The following CDH6 variants were observed in gnomAD, a reference collection of about 807,000 sequenced individuals.
CDH6 encodes cadherin 6.
In CDH6, 31 loss-of-function variants were observed where a neutral mutation model predicts 78.0. That is an observed-to-expected ratio of 0.40 (90% CI 0.30 to 0.54). The LOEUF is 0.54. CDH6 is among the 20% of genes least tolerant of loss of function. The pLI, the probability that CDH6 is intolerant of heterozygous loss-of-function variation, is 0.56. For missense variants in CDH6, 724 were observed against 975.9 expected (o/e 0.74, Z 3.44); for synonymous variants, 376 against 368.8 (o/e 1.02, Z -0.23).
chr5:31,284,280 G>C (rs891428877), intron 2 of CDH6, among the ~76,000 whole-genome samples: 3 of 152,214 alleles, frequency 2.0e-5, no homozygotes, highest in African/African-American at 7.2e-5. Context: ...AATGGGGTTT[G>C]TACTAGGAAT....
chr5:31,304,476 A>C (rs1737919719), intron 6 of CDH6, among the ~76,000 whole-genome samples: 1 of 151,992 alleles, frequency 6.6e-6, no homozygotes, highest in African/African-American at 2.4e-5. Flanking sequence ...CACGAGTTCA[A>C]GAGATCGAGA....
chr5:31,265,059 G>A (rs4400131), intron 1 of CDH6, among the ~76,000 whole-genome samples: 69,576 of 152,038 alleles, frequency 0.46, 16,222 homozygotes, highest in Middle Eastern at 0.59. Flanking sequence ...ACAGAGTGCA[G>A]CAGCAGACGT....
Position 31,257,159 on chromosome 5 carries a change from A to ATGTTTGTT in CDH6, c.-128-10173_-128-10166dup, listed in dbSNP as rs200009608. 2.8e-3 allele frequency among the ~76,000 whole-genome samples: 429 copies of ATGTTTGTT among 152,104 alleles called. 8 individuals carry two copies. The South Asian group carries it at 0.052, about 18-fold the overall frequency. On this transcript the variant is annotated intron_variant, in intron 1 of 11. Coordinates refer to ENST00000265071, the MANE Select transcript of CDH6 (RefSeq NM_004932.4). ...CCTCCAAGTGCTGTGAAGTATTCGC[A>ATGTTTGTT]TGTTTGTTTGTTTGTTTGTTTTGAG...
chr5:31,293,870 A>G, intron 2 of CDH6, 92 bp from the exon 3 acceptor site: 1 of 755,856 alleles, frequency 1.3e-6, no homozygotes. Context: ...AGAATTTAAT[A>G]AAAGTTAATG....
At chr5:31,198,886 C>G (rs1202445237) in intron 1 of CDH6, among the ~76,000 whole-genome samples, 1 of 152,048 alleles carries the variant, frequency 6.6e-6, no homozygotes, top group African/African-American at 2.4e-5. Flanking sequence ...TAAAAAATCA[C>G]CATCTAAGGG....
chr5:31,200,024 C>G (rs959505400), intron 1 of CDH6, among the ~76,000 whole-genome samples: 3 of 151,964 alleles, frequency 2.0e-5, no homozygotes, highest in Admixed American at 1.3e-4. Flanking sequence ...GTGTGACTCT[C>G]TCTGAGAACT....
At chr5:31,201,278 A>T (rs1740341812) in intron 1 of CDH6, among the ~76,000 whole-genome samples, 1 of 152,172 alleles carries the variant, frequency 6.6e-6, no homozygotes, top group Non-Finnish European at 1.5e-5. Flanking sequence ...ATTTTCCCTC[A>T]AAATATTGAC....
intron 2 of CDH6, among the ~76,000 whole-genome samples, chr5:31,271,310 C>T (rs1222653056): frequency 1.3e-5 from 2 of 151,958 alleles, no homozygotes; most frequent in Admixed American, 6.6e-5. Flanking sequence ...AAGAGAGGGT[C>T]GTGGGTGGCG....
chr5:31,313,514 G>A, intron 8 of CDH6, 60 bp downstream of exon 8: 2 of 1,493,192 alleles, frequency 1.3e-6, no homozygotes, highest in East Asian at 4.6e-5. Flanking sequence ...CCCAGCAAGG[G>A]CTGGTGGAGC....
intron 1 of CDH6, among the ~76,000 whole-genome samples, chr5:31,208,562 C>G (rs987272319): frequency 2.0e-5 from 3 of 152,168 alleles, no homozygotes; most frequent in Non-Finnish European, 2.9e-5. Context: ...GGTTACTCTA[C>G]TCCAAGGCAT....
At chr5:31,267,239 G>A in intron 1 of CDH6, 107 bp from the exon 2 acceptor site, 1 of 489,112 alleles carries the variant, frequency 2.0e-6, no homozygotes, top group South Asian at 3.8e-5. Flanking sequence ...AACTTTTTTT[G>A]TTGTTTTGCT....
At chr5:31,194,342 G>C (rs1419159789) in intron 1 of CDH6, among the ~76,000 whole-genome samples, 1 of 152,190 alleles carries the variant, frequency 6.6e-6, no homozygotes, top group Non-Finnish European at 1.5e-5. Context: ...CCACCTGCCC[G>C]CATCATAAGG....
intron 1 of CDH6, among the ~76,000 whole-genome samples, chr5:31,242,170 A>T (rs1741620863): frequency 1.3e-5 from 2 of 152,200 alleles, no homozygotes; most frequent in Non-Finnish European, 2.9e-5. Flanking sequence ...TGCATCACGA[A>T]ATCTTTGAGC....
intron 1 of CDH6, among the ~76,000 whole-genome samples, chr5:31,213,343 A>G (rs1385615997): frequency 1.3e-5 from 2 of 152,186 alleles, no homozygotes; most frequent in African/African-American, 2.4e-5. Flanking sequence ...GCTTAAAATC[A>G]AAATTGTATC....
At chr5:31,304,385 G>T (rs1178687600) in intron 6 of CDH6, among the ~76,000 whole-genome samples, 1 of 152,066 alleles carries the variant, frequency 6.6e-6, no homozygotes, top group East Asian at 1.9e-4. Flanking sequence ...ACACTCATCA[G>T]TGCAATTAAA....
intron 1 of CDH6, among the ~76,000 whole-genome samples, chr5:31,233,538 CTT>C (rs1194647770): frequency 6.6e-6 from 1 of 150,676 alleles, no homozygotes; most frequent in East Asian, 1.9e-4. Context: ...AAAACAAAAA[CTT>C]TGCTTATCAT....
intron 1 of CDH6, among the ~76,000 whole-genome samples, chr5:31,260,815 G>T (rs1742194115): frequency 6.6e-6 from 1 of 152,128 alleles, no homozygotes; most frequent in Non-Finnish European, 1.5e-5. Flanking sequence ...CACACGAAAC[G>T]GAACCAATTT....
intron 1 of CDH6, among the ~76,000 whole-genome samples, chr5:31,222,880 C>T (rs897334891): frequency 3.3e-5 from 5 of 152,126 alleles, no homozygotes; most frequent in African/African-American, 1.2e-4. Context: ...CTAATCAATA[C>T]CATGATCCTT....
chr5:31,267,809 G>A, intron 2 of CDH6, 108 bp downstream of exon 2: 1 of 826,752 alleles, frequency 1.2e-6, no homozygotes, highest in Non-Finnish European at 1.9e-6. Context: ...AGTAAGAATT[G>A]TTGCTTAACT....
Sources: allele counts gnomAD v4.1 joint callset (sites outside exome capture counted in the v4.1 genomes callset), GRCh38; gene constraint gnomAD v4.1.1; transcripts MANE v1.5; gene names NCBI Gene and HGNC (gene_info 2026-07-23, HGNC 2026-07-21).